SLC9A5: variants seen among roughly 807,000 people sequenced by gnomAD.
SLC9A5 encodes sodium/hydrogen exchanger 5.
SLC9A5 carries 52 observed loss-of-function variants against 91.7 expected under a neutral mutation model. The observed-to-expected ratio is 0.57, with a 90% CI of 0.45 to 0.71. SLC9A5 has a LOEUF of 0.71. Ranked by LOEUF, SLC9A5 falls within the 30% of genes least tolerant of loss-of-function variation. The pLI, the probability that SLC9A5 is intolerant of heterozygous loss-of-function variation, is 0.00. For missense variants in SLC9A5, 871 were observed against 1,158.9 expected (o/e 0.75, Z 3.61); for synonymous variants, 419 against 474.5 (o/e 0.88, Z 1.52).
At chr16:67,266,540 A>C (rs555083001) in intron 15 of SLC9A5, among the ~76,000 whole-genome samples, 13 of 152,116 alleles carry the variant, frequency 8.5e-5, no homozygotes, top group African/African-American at 3.1e-4. Flanking sequence ...TAATTTTTAA[A>C]TTTATTTTAT....
At position 67,266,186 on chromosome 16, in the gene SLC9A5, C is replaced by T. The variant is rs1276501474; in HGVS notation, c.2179C>T (p.Arg727Cys). ...EDDEGIIFVA[R>C]ATSEVLQEGK... is the part of the protein sequence containing the mutation. ...CGATGAGGGGATCATCTTTGTGGCT[C>T]GTGCCACCAGTGAGGTTCTCCAAGA... Residue 727 changes from arginine (R) to cysteine (C), a missense_variant, in exon 15 of 16, where the codon CGT (arginine) becomes TGT (cysteine). Physicochemically the swap from Arg to Cys is radical, Grantham distance 180. This residue lies in a region of SLC9A5 where 295 missense variants were observed against 326.0 expected (regional missense o/e 0.90). Transcript: ENST00000299798. 2.5e-6 allele frequency: 4 copies of T among 1,608,624 alleles called. No individual in the cohort carries two copies. The highest frequency in any genetic ancestry group is 3.4e-6 in the Non-Finnish European group (4 of 1,177,546).
At position 67,255,610 on chromosome 16, in the gene SLC9A5, G is replaced by A; in HGVS notation, c.733+139G>A. The A allele has an allele frequency of 7.8e-7, 1 of 1,285,580 alleles. No individual in the cohort carries two copies. The highest frequency in any genetic ancestry group is 1.1e-6 in the Non-Finnish European group (1 of 910,264). 79.6% of individuals were successfully genotyped at this position (1,285,580 alleles called of 1,614,324 possible). A position where few individuals can be genotyped will look rare whatever the true frequency, so the allele number is the denominator to read the frequency against. On this transcript the variant is annotated intron_variant, in intron 4 of 15. Transcript: ENST00000299798. The surrounding 1 kb of genome is among the most constrained non-coding windows in gnomAD (Gnocchi z 4.9). Reference sequence around the variant, plus strand: ...TATAGAGAAATGGGGTCTGGGAGGGGCTTGCCAGGGATCCTGGCTCTGGGG... The same window carrying A: ...TATAGAGAAATGGGGTCTGGGAGGGACTTGCCAGGGATCCTGGCTCTGGGG...
At position 67,259,855 on chromosome 16, in the gene SLC9A5, A is replaced by G; in HGVS notation, c.1751A>G (p.Gln584Arg). ...ESGSGACLDL[Q>R]VIDTVRSGRD... Reference sequence around the variant, plus strand: ...GGCAGTGGAGCGTGTCTGGATCTGCAGGTGATTGACACAGTACGCAGCGGC... The same window carrying G: ...GGCAGTGGAGCGTGTCTGGATCTGCGGGTGATTGACACAGTACGCAGCGGC... Residue 584 changes from glutamine (Q) to arginine (R), a missense_variant, in exon 12 of 16, where the codon CAG (glutamine) becomes CGG (arginine). Physicochemically the swap from Gln to Arg is conservative, Grantham distance 43. Transcript: ENST00000299798. 1 of 1,614,166 alleles carries G rather than the reference A, an allele frequency of 6.2e-7. No homozygotes were observed. The highest frequency in any genetic ancestry group is 1.1e-5 in the South Asian group (1 of 91,086).
At chr16:67,259,537 C>A in intron 10 of SLC9A5, 36 bp from the exon 11 acceptor site, 1 of 1,522,342 alleles carries the variant, frequency 6.6e-7, no homozygotes, top group Non-Finnish European at 9.1e-7. Context: ...AACCCTCCAT[C>A]TGATTGCTGG....
Position 67,258,248 on chromosome 16 carries a change from C to G in SLC9A5, c.1497-70C>G. The G allele has an allele frequency of 1.3e-6, 2 of 1,566,194 alleles. No homozygotes were observed. The highest frequency in any genetic ancestry group is 1.7e-6 in the Non-Finnish European group (2 of 1,145,080). On this transcript the variant is annotated intron_variant, in intron 9 of 15. Coordinates refer to ENST00000299798, the MANE Select transcript of SLC9A5 (RefSeq NM_004594.3). The surrounding 1 kb of genome is among the most constrained non-coding windows in gnomAD (Gnocchi z 4.5). ...GCCAGTGCTGACGGTGTCCTTGCCCCGTCTGAGGAAGGGCCACCTGGCCAG... is the reference window on the plus strand; with the variant it reads ...GCCAGTGCTGACGGTGTCCTTGCCCGGTCTGAGGAAGGGCCACCTGGCCAG...
intron 13 of SLC9A5, among the ~76,000 whole-genome samples, chr16:67,264,783 A>C (rs1248993933): frequency 1.3e-5 from 2 of 152,094 alleles, no homozygotes; most frequent in African/African-American, 2.4e-5. Flanking sequence ...AAAGATGAAA[A>C]AGGCAGGAGA....
chr16:67,261,159 G>GA (rs2035518399), intron 12 of SLC9A5: 1 of 152,174 alleles, frequency 6.6e-6, no homozygotes, highest in East Asian at 1.9e-4. Flanking sequence ...GCTGGCCAGG[G>GA]AAGGGCCTAG....
chr16:67,255,650 G>A lies in SLC9A5; in HGVS notation c.734-103G>A, dbSNP rs1200831448. On this transcript the variant is annotated intron_variant, in intron 4 of 15. Coordinates refer to ENST00000299798, the MANE Select transcript of SLC9A5 (RefSeq NM_004594.3). This position sits in a 1 kb window ranked among gnomAD's most constrained non-coding sequence, Gnocchi z 4.9. ...TGGCTCTGGGGTTTTGAGCCCCTGG[G>A]AGTGCGGTGGGCATCATCCCTCACT... 7 of 1,373,482 alleles carry A rather than the reference G, an allele frequency of 5.1e-6. 1 individual carries two copies. The African/African-American group carries it at 8.6e-5, about 17-fold the overall frequency. The allele number at this position is 1,373,482 out of a possible 1,614,324, so 85.1% of individuals were successfully genotyped here. A position where few individuals can be genotyped will look rare whatever the true frequency, so the allele number is the denominator to read the frequency against.
intron 12 of SLC9A5, among the ~76,000 whole-genome samples, chr16:67,260,598 C>G (rs1002072899): frequency 6.6e-6 from 1 of 151,934 alleles, no homozygotes; most frequent in Non-Finnish European, 1.5e-5. Flanking sequence ...AAGAGGGGCA[C>G]GTAGGCCTAG....
chr16:67,250,258 A>G (rs376392811), intron 1 of SLC9A5, among the ~76,000 whole-genome samples: 2 of 152,124 alleles, frequency 1.3e-5, no homozygotes, highest in Non-Finnish European at 1.5e-5. Flanking sequence ...GTGGAACTCA[A>G]TATGCCTTCC....
intron 12 of SLC9A5, among the ~76,000 whole-genome samples, chr16:67,260,354 C>CATAAAAAAAAAAAAA: frequency 3.0e-5 from 1 of 33,468 alleles, no homozygotes; most frequent in African/African-American, 1.9e-4. Context: ...GACTCCATCT[C>CATAAAAAAAAAAAAA]AAAAAAAAAA....
chr16:67,256,783 C>A lies in SLC9A5; in HGVS notation c.1132+94C>A. Reference sequence around the variant, plus strand: ...ATCTGAGTCCACATCTTTGTCAATTCCTAAGCCTCCTCTTGTTGCTCACCT... The same window carrying A: ...ATCTGAGTCCACATCTTTGTCAATTACTAAGCCTCCTCTTGTTGCTCACCT... On this transcript the variant is annotated intron_variant, in intron 6 of 15. Transcript: ENST00000299798. The surrounding 1 kb of genome is among the most constrained non-coding windows in gnomAD (Gnocchi z 4.1). The A allele has an allele frequency of 7.5e-7, 1 of 1,340,890 alleles. No homozygotes were observed. Among genetic ancestry groups the A allele is most frequent in the Non-Finnish European group, 1.1e-6 (1 of 942,296 alleles). The allele number at this position is 1,340,890 out of a possible 1,614,324, so 83.1% of individuals were successfully genotyped here.
intron 12 of SLC9A5, 152 bp from the exon 13 acceptor site, chr16:67,264,200 T>G: frequency 1.5e-6 from 1 of 650,912 alleles, no homozygotes; most frequent in Non-Finnish European, 2.7e-6. Context: ...TGGGTTCCTG[T>G]TGTATTTTTT....
In SLC9A5 at chr16:67,268,658, T is replaced by TTATATATATATATATATA. The variant is rs60054219; in HGVS notation, c.2219-2044_2219-2027dup. 9.5e-5 allele frequency among the ~76,000 whole-genome samples: 4 copies of TTATATATATATATATATA among 42,326 alleles called. 1 individual carries two copies. The highest frequency in any genetic ancestry group is 1.7e-4 in the Non-Finnish European group (4 of 23,672). The allele number at this position is 42,326 out of a possible 152,430, so 27.8% of individuals were successfully genotyped here. A position where few individuals can be genotyped will look rare whatever the true frequency, so the allele number is the denominator to read the frequency against. On this transcript the variant is annotated intron_variant, in intron 15 of 15. Coordinates refer to ENST00000299798, the MANE Select transcript of SLC9A5 (RefSeq NM_004594.3). ...TCAAACATCGTTCAAATTTCCCTGA[T>TTATATATATATATATATA]TATATATATATATATATATATATAT... is the stretch of plus-strand genomic sequence containing the variant.
Position 67,258,444 on chromosome 16 carries a change from C to T in SLC9A5, c.1623C>T (p.Asp541=), listed in dbSNP as rs1567412213. 3 of 1,613,930 alleles carry T rather than the reference C, an allele frequency of 1.9e-6. No homozygotes were observed. Among genetic ancestry groups the T allele is most frequent in the East Asian group, 2.2e-5 (1 of 44,900 alleles). ...LNIRDAISFV[D]QGGHVLSSTG... is the part of the protein sequence containing the mutation. The stretch of plus-strand genomic sequence containing the variant: ...TCCGGGATGCCATCAGCTTTGTGGA[C>T]CAGGTGGGCCAGCAGCTTCCAGGTG... Residue 541 remains aspartate (D), a synonymous_variant, in exon 10 of 16, where the codon GAC becomes GAT. Coordinates refer to ENST00000299798, the MANE Select transcript of SLC9A5 (RefSeq NM_004594.3). The surrounding 1 kb of genome is among the most constrained non-coding windows in gnomAD (Gnocchi z 4.5).
rs765233270 is a variant in SLC9A5, at chr16:67,258,387, C to T, written c.1566C>T (p.Asp522=). Residue 522 remains aspartate, a synonymous_variant, in exon 10 of 16, where the codon GAC becomes GAT. Coordinates refer to ENST00000299798, the MANE Select transcript of SLC9A5 (RefSeq NM_004594.3). The surrounding 1 kb of genome is among the most constrained non-coding windows in gnomAD (Gnocchi z 4.5). ...GACGATCAGCCTACCGCATCCGGGA[C>T]CAGATCTGGGATGTGTACTACAGGC... The part of the protein sequence containing the change: ...LMRRSAYRIR[D]QIWDVYYRLN... The T allele has an allele frequency of 1.2e-6, 2 of 1,614,140 alleles. No homozygotes were observed. The highest frequency in any genetic ancestry group is 1.7e-6 in the Non-Finnish European group (2 of 1,180,000).
At chr16:67,263,096 T>G in intron 12 of SLC9A5, 1 of 148,492 alleles carries the variant, frequency 6.7e-6, no homozygotes, top group Non-Finnish European at 1.5e-5. Context: ...AGGTAAGGAG[T>G]GAAGATACAG....
chr16:67,251,494 A>G (rs2142337043), intron 1 of SLC9A5, among the ~76,000 whole-genome samples: 1 of 140,838 alleles, frequency 7.1e-6, no homozygotes. Flanking sequence ...GCTCACTGCA[A>G]CCTCTGCCTC....
intron 15 of SLC9A5, among the ~76,000 whole-genome samples, chr16:67,268,710 A>G (rs200993075): frequency 2.2e-5 from 2 of 89,770 alleles, no homozygotes; most frequent in Non-Finnish European, 4.3e-5. Flanking sequence ...ATATATATAT[A>G]TTTTTACAGT....
Sources: gnomAD v4.1 joint callset for allele counts (sites outside exome capture counted in the v4.1 genomes callset) on GRCh38, gnomAD v4.1.1 for gene constraint, gnomAD v4.1.1 regional missense constraint, Gnocchi (gnomAD v3.1) non-coding constraint, MANE v1.5 for transcripts, NCBI Gene and HGNC (gene_info 2026-07-23, HGNC 2026-07-21) for gene names.